Variants in PLA2G4C observed in about 807,000 individuals in gnomAD.
PLA2G4C encodes the protein cytosolic phospholipase A2 gamma.
A neutral mutation model predicts 73.8 loss-of-function variants in PLA2G4C; 64 were observed. The ratio of observed to expected loss-of-function variants is 0.87; its 90% CI spans 0.71 to 1.07. The LOEUF (loss-of-function observed/expected upper bound fraction) is 1.07, where lower values mean the gene tolerates loss of function less well. Among genes scored for constraint, PLA2G4C ranks in the 50% least tolerant of loss-of-function variants. The pLI, the probability that PLA2G4C is intolerant of heterozygous loss-of-function variation, is 0.00. For synonymous variants in PLA2G4C, 254 were observed against 252.1 expected (o/e 1.01, Z -0.07); for missense variants, 622 against 665.4 (o/e 0.93, Z 0.72).
In PLA2G4C at chr19:48,104,584, T is replaced by C; in HGVS notation, c.257+4A>G. The C allele has an allele frequency of 6.2e-7, 1 of 1,613,724 alleles. No individual in the cohort carries two copies. Among genetic ancestry groups the C allele is most frequent in the Non-Finnish European group, 8.5e-7 (1 of 1,179,800 alleles). ...AAGCAATCTGAAACATGAGTGATGCTTACCAAGTGGATCCAGAGACCCCTG... is the reference window on the plus strand; with the variant it reads ...AAGCAATCTGAAACATGAGTGATGCCTACCAAGTGGATCCAGAGACCCCTG... On this transcript the variant is annotated splice_donor_region_variant and intron_variant, in intron 4 of 16. Coordinates refer to ENST00000599921, the MANE Select transcript of PLA2G4C (RefSeq NM_003706.3).
chr19:48,100,577 C>A (rs1405610596), intron 4 of PLA2G4C, among the ~76,000 whole-genome samples: 1 of 136,532 alleles, frequency 7.3e-6, no homozygotes, highest in Non-Finnish European at 1.5e-5. Flanking sequence ...TGCACTCCAG[C>A]CTGGGCGACA....
chr19:48,077,106 T>C (rs2030216522), intron 11 of PLA2G4C, among the ~76,000 whole-genome samples: 1 of 152,192 alleles, frequency 6.6e-6, no homozygotes, highest in African/African-American at 2.4e-5. Context: ...GCTAATTGCC[T>C]CAGGCTGTTC....
At position 48,053,014 on chromosome 19, in the gene PLA2G4C, C is replaced by T. The variant is rs201887513; in HGVS notation, c.1563G>A (p.Glu521=). The part of the protein sequence containing the change: ...VRENKKKILR[E]LMNVAGLYYP... ...CCACCTACCCGGCCACGTTCATCAA[C>T]TCTCTAAGGATCTTCTTCTTGTTTT... is the stretch of plus-strand genomic sequence containing the variant. Residue 521 remains glutamate, a synonymous_variant, in exon 16 of 17, where the codon GAG becomes GAA. Coordinates refer to ENST00000599921, the MANE Select transcript of PLA2G4C (RefSeq NM_003706.3). 113 of 1,610,512 alleles carry T rather than the reference C, an allele frequency of 7.0e-5. 2 individuals are homozygous for T. In the South Asian group the frequency reaches 1.1e-3, roughly 16 times the overall value.
intron 4 of PLA2G4C, among the ~76,000 whole-genome samples, chr19:48,101,902 T>C (rs974956868): frequency 2.6e-5 from 4 of 151,654 alleles, no homozygotes; most frequent in Non-Finnish European, 5.9e-5. Context: ...CTCAAACTCC[T>C]GACCTCAGGT....
intron 3 of PLA2G4C, 97 bp downstream of exon 3, chr19:48,105,236 T>C (rs566354808): frequency 2.1e-4 from 155 of 754,088 alleles, no homozygotes; most frequent in African/African-American, 1.8e-3. Context: ...GTTCATATCC[T>C]TCGGTCCAGC....
At position 48,077,795 on chromosome 19, in the gene PLA2G4C, G is replaced by A; in HGVS notation, c.874C>T (p.Gln292Ter). 1 of 1,606,738 alleles carries A rather than the reference G, an allele frequency of 6.2e-7. No individual in the cohort carries two copies. Among genetic ancestry groups the A allele is most frequent in the Non-Finnish European group, 8.5e-7 (1 of 1,176,806 alleles). The change falls in exon 11 of 17, where the codon CAA becomes TAA. Residue 292 changes from glutamine to a stop codon, truncating the protein, a stop_gained. Coordinates refer to ENST00000599921, the MANE Select transcript of PLA2G4C (RefSeq NM_003706.3). LOFTEE classifies it high-confidence loss of function. Reference sequence around the variant, plus strand: ...CCTTCTGGGGGAGGATGTTCCCCTTGTGAACTTTCTTGCAGCCTCAGTAAT... The same window carrying A: ...CCTTCTGGGGGAGGATGTTCCCCTTATGAACTTTCTTGCAGCCTCAGTAAT... ...ARLLRLQESS[Q>*]GEHPPPEDEG... is the part of the protein sequence containing the mutation.
intron 10 of PLA2G4C, among the ~76,000 whole-genome samples, chr19:48,081,094 G>A (rs2030533982): frequency 2.0e-5 from 3 of 151,714 alleles, no homozygotes; most frequent in Admixed American, 2.0e-4. Flanking sequence ...GAACCTGGGA[G>A]GCGGAGCTTG....
At chr19:48,082,628 A>G (rs1285682587) in intron 10 of PLA2G4C, among the ~76,000 whole-genome samples, 2 of 150,014 alleles carry the variant, frequency 1.3e-5, no homozygotes, top group Non-Finnish European at 3.0e-5. Context: ...CCTCCCGAGT[A>G]GCTGGGGTTA....
chr19:48,110,367 TAAAATA>T (rs2032433039), intron 1 of PLA2G4C, 114 bp downstream of exon 1: 1 of 582,812 alleles, frequency 1.7e-6, no homozygotes, highest in Non-Finnish European at 2.7e-6. Context: ...AATAAATAAA[TAAAATA>T]AAATAAAATA....
At chr19:48,051,163 G>A (rs1319031955) in intron 16 of PLA2G4C, among the ~76,000 whole-genome samples, 2 of 152,148 alleles carry the variant, frequency 1.3e-5, no homozygotes, top group African/African-American at 2.4e-5. Flanking sequence ...TGAAGGAGGG[G>A]CCATGAGCCA....
At chr19:48,092,009 C>T (rs2031332707) in intron 7 of PLA2G4C, among the ~76,000 whole-genome samples, 1 of 151,174 alleles carries the variant, frequency 6.6e-6, no homozygotes, top group South Asian at 2.1e-4. Context: ...CACCATTGGG[C>T]AGAATATAAA....
At chr19:48,067,382 A>G (rs1048282965) in intron 13 of PLA2G4C, among the ~76,000 whole-genome samples, 6 of 152,028 alleles carry the variant, frequency 3.9e-5, no homozygotes, top group Admixed American at 2.0e-4. Context: ...TGGCCAAGCT[A>G]GTCTTGAACT....
At chr19:48,108,988 TG>T (rs1298832862) in intron 1 of PLA2G4C, 17 of 152,138 alleles carry the variant, frequency 1.1e-4, no homozygotes, top group African/African-American at 3.4e-4. Flanking sequence ...CAACAAGGAC[TG>T]GGGGTCAGTT....
intron 11 of PLA2G4C, 100 bp from the exon 12 acceptor site, chr19:48,074,974 T>C (rs1389545303): frequency 1.3e-6 from 1 of 763,162 alleles, no homozygotes; most frequent in African/African-American, 1.8e-5. Context: ...GCCCTGCGGT[T>C]CCTCCTGAGG....
At chr19:48,055,871 G>A (rs529036461) in intron 14 of PLA2G4C, among the ~76,000 whole-genome samples, 1 of 151,918 alleles carries the variant, frequency 6.6e-6, no homozygotes, top group Admixed American at 6.6e-5. Flanking sequence ...TGATCCGCTC[G>A]TCTCAGTCTC....
chr19:48,101,126 A>ATATTTTTTT (rs1491313107), intron 4 of PLA2G4C, among the ~76,000 whole-genome samples: 5 of 74,128 alleles, frequency 6.7e-5, no homozygotes, highest in African/African-American at 2.6e-4. Flanking sequence ...ATATATATAT[A>ATATTTTTTT]TTTTTTTTTT....
intron 10 of PLA2G4C, among the ~76,000 whole-genome samples, chr19:48,080,350 G>T (rs529253404): frequency 6.6e-6 from 1 of 152,306 alleles, no homozygotes; most frequent in African/African-American, 2.4e-5. Flanking sequence ...TGTGGATGCG[G>T]TGCAAATGGA....
chr19:48,097,402 G>A (rs1384605288), intron 6 of PLA2G4C, among the ~76,000 whole-genome samples: 8 of 150,054 alleles, frequency 5.3e-5, no homozygotes, highest in East Asian at 4.1e-4. Flanking sequence ...ACAGGCGCCC[G>A]CCGCCACGCC....
At position 48,104,711 on chromosome 19, in the gene PLA2G4C, G is replaced by A. The variant is rs1316463440; in HGVS notation, c.134C>T (p.Ala45Val). 6.2e-7 allele frequency: 1 copy of A among 1,613,908 alleles called. No homozygotes were observed. Among genetic ancestry groups the A allele is most frequent in the African/African-American group, 1.3e-5 (1 of 74,906 alleles). The change falls in exon 4 of 17, where the codon GCT (alanine) becomes GTT (valine). Residue 45 changes from alanine (A) to valine (V), a missense_variant. Physicochemically the swap from Ala to Val is moderately conservative, Grantham distance 64. Transcript: ENST00000599921. ...RIEADEAPVV[A>V]VLGSGGGLRA... ...CAGTCCTCCGCCTGAGCCCAGCACA[G>A]CAACAACTGGGGCCTAGGCATTGGG...
Sources: gnomAD v4.1 joint callset for allele counts (sites outside exome capture counted in the v4.1 genomes callset) on GRCh38, gnomAD v4.1.1 for gene constraint, MANE v1.5 for transcripts, NCBI Gene and HGNC (gene_info 2026-07-23, HGNC 2026-07-21) for gene names.